TBC1D32: variants seen among roughly 807,000 people sequenced by gnomAD.
TBC1D32 encodes TBC1 domain family member 32, also known as protein broad-minded.
In TBC1D32, 151 loss-of-function variants were observed where a neutral mutation model predicts 170.3. The observed-to-expected ratio is 0.89, with a 90% CI of 0.78 to 1.01. TBC1D32 has a LOEUF of 1.01. TBC1D32 is among the 50% of genes least tolerant of loss of function. TBC1D32 has a pLI of 0.00. For synonymous variants in TBC1D32, 498 were observed against 488.0 expected, an observed-to-expected ratio of 1.02 and a Z score of -0.27; for missense variants, 1,464 against 1,457.1, an observed-to-expected ratio of 1.00 and a Z score of -0.08.
At chr6:121,255,500 AATT>A (rs1798860685) in intron 16 of TBC1D32, 90 bp from the exon 17 acceptor site, 1 of 252,262 alleles carries the variant, frequency 4.0e-6, no homozygotes, top group Non-Finnish European at 6.8e-6. Flanking sequence ...TATATTTTAT[AATT>A]ATATTTATAA....
At chr6:121,140,345 G>C (rs1782636274) in intron 24 of TBC1D32, among the ~76,000 whole-genome samples, 1 of 147,726 alleles carries the variant, frequency 6.8e-6, no homozygotes, top group Admixed American at 6.8e-5. Context: ...AAAAAAAAAA[G>C]ATACTATAGA....
intron 21 of TBC1D32, among the ~76,000 whole-genome samples, chr6:121,222,306 T>G (rs760895538): frequency 3.9e-4 from 60 of 152,318 alleles, no homozygotes; most frequent in Non-Finnish European, 5.9e-4. Context: ...TTCATGTTAT[T>G]GCGGTGGTAT....
intron 22 of TBC1D32, among the ~76,000 whole-genome samples, chr6:121,183,712 A>C (rs1788824208): frequency 6.6e-6 from 1 of 152,096 alleles, no homozygotes; most frequent in Non-Finnish European, 1.5e-5. Flanking sequence ...AAATCTCTAA[A>C]ATATATTACA....
intron 11 of TBC1D32, among the ~76,000 whole-genome samples, chr6:121,292,599 T>C (rs1216239071): frequency 2.0e-5 from 3 of 152,120 alleles, no homozygotes; most frequent in Admixed American, 2.0e-4. Context: ...CACGTCTAAG[T>C]GAAATTAGAA....
intron 21 of TBC1D32, among the ~76,000 whole-genome samples, chr6:121,214,164 AC>A (rs2128316589): frequency 6.6e-6 from 1 of 152,272 alleles, no homozygotes; most frequent in East Asian, 1.9e-4. Flanking sequence ...TAAATGTAAA[AC>A]CCAAAACTAT....
chr6:121,112,982 G>T, intron 28 of TBC1D32, 80 bp downstream of exon 28: 1 of 984,718 alleles, frequency 1.0e-6, no homozygotes, highest in Non-Finnish European at 1.5e-6. Context: ...TACTATAAAT[G>T]TGTCAAGGTA....
At chr6:121,225,243 C>G (rs987275172) in intron 20 of TBC1D32, among the ~76,000 whole-genome samples, 16 of 151,964 alleles carry the variant, frequency 1.1e-4, no homozygotes, top group Non-Finnish European at 1.8e-4. Context: ...TTCATTATAG[C>G]TTTATTTTTA....
intron 17 of TBC1D32, 69 bp from the exon 18 acceptor site, chr6:121,242,408 T>C: frequency 6.8e-7 from 1 of 1,477,458 alleles, no homozygotes; most frequent in Non-Finnish European, 9.3e-7. Context: ...GAGTATGTCT[T>C]AGCTGAGCTT....
intron 15 of TBC1D32, among the ~76,000 whole-genome samples, chr6:121,261,632 G>A (rs1799783729): frequency 6.6e-6 from 1 of 152,168 alleles, no homozygotes; most frequent in African/African-American, 2.4e-5. Context: ...AGGGTCAGCA[G>A]CCTCAAAGAT....
intron 3 of TBC1D32, among the ~76,000 whole-genome samples, chr6:121,317,189 G>A (rs1809050044): frequency 6.6e-6 from 1 of 151,912 alleles, no homozygotes; most frequent in Non-Finnish European, 1.5e-5. Flanking sequence ...TAGATTAACT[G>A]GGAATAAGAT....
chr6:121,174,533 C>T (rs1158020181), intron 22 of TBC1D32, among the ~76,000 whole-genome samples: 1 of 152,068 alleles, frequency 6.6e-6, no homozygotes, highest in African/African-American at 2.4e-5. Context: ...GGGCGAGTGA[C>T]ATGGAAGGAG....
intron 15 of TBC1D32, among the ~76,000 whole-genome samples, chr6:121,258,281 C>A (rs948931494): frequency 1.3e-5 from 2 of 151,964 alleles, no homozygotes; most frequent in Non-Finnish European, 2.9e-5. Context: ...TTTTTTTTAA[C>A]CTTAGAATAT....
chr6:121,198,286 A>G (rs1791089186), intron 22 of TBC1D32, among the ~76,000 whole-genome samples: 1 of 144,152 alleles, frequency 6.9e-6, no homozygotes, highest in African/African-American at 2.6e-5. Flanking sequence ...ATACACACAC[A>G]CACACATATA....
At position 121,162,916 on chromosome 6, in the gene TBC1D32, G is replaced by T. The variant is rs546421693; in HGVS notation, c.2571-1860C>A. The T allele has an allele frequency of 2.9e-4, 33 of 115,460 alleles. No individual in the cohort carries two copies. The East Asian group carries it at 6.4e-3, about 23-fold the overall frequency. 7.2% of individuals were successfully genotyped at this position (115,460 alleles called of 1,614,324 possible). On this transcript the variant is annotated intron_variant, in intron 22 of 31. Coordinates refer to ENST00000398212, the MANE Select transcript of TBC1D32 (RefSeq NM_152730.6). Reference sequence around the variant, plus strand: ...CGAGGCATTGCCTCACCTGGGAAGCGCAAGGGGTCAGGGAGTTCCCTTTCC... The same window carrying T: ...CGAGGCATTGCCTCACCTGGGAAGCTCAAGGGGTCAGGGAGTTCCCTTTCC...
In TBC1D32 at chr6:121,080,749, T is replaced by C; in HGVS notation, c.*22A>G. 6.3e-7 allele frequency: 1 copy of C among 1,596,134 alleles called. No homozygotes were observed. The highest frequency in any genetic ancestry group is 1.1e-5 in the South Asian group (1 of 87,474). ...TGTTTAAAAATAAATAAAACCTAAATTTAAACCGTGTGTCTCATGATCTAT... is the reference window on the plus strand; with the variant it reads ...TGTTTAAAAATAAATAAAACCTAAACTTAAACCGTGTGTCTCATGATCTAT... On this transcript the variant is annotated 3_prime_UTR_variant, in exon 32 of 32. Transcript: ENST00000398212.
intron 20 of TBC1D32, among the ~76,000 whole-genome samples, chr6:121,234,955 G>A (rs562830099): frequency 6.6e-6 from 1 of 152,156 alleles, no homozygotes; most frequent in Non-Finnish European, 1.5e-5. Flanking sequence ...CCTGAGAGCT[G>A]AACTATAGTA....
chr6:121,187,174 C>T (rs77553645), intron 22 of TBC1D32, among the ~76,000 whole-genome samples: 9,813 of 152,040 alleles, frequency 0.065, 618 homozygotes, highest in Admixed American at 0.21. Flanking sequence ...CCATTTTTAG[C>T]ACAGTATCCC....
chr6:121,236,275 A>ACTAG (rs1274392523), intron 20 of TBC1D32, among the ~76,000 whole-genome samples: 3 of 152,086 alleles, frequency 2.0e-5, no homozygotes, highest in Non-Finnish European at 4.4e-5. Context: ...TATGGTAACC[A>ACTAG]CTAGCTACAT....
At chr6:121,122,948 CTT>C (rs1482101542) in intron 26 of TBC1D32, among the ~76,000 whole-genome samples, 1 of 151,994 alleles carries the variant, frequency 6.6e-6, no homozygotes, top group Admixed American at 6.6e-5. Flanking sequence ...TAAGCTGAGA[CTT>C]TATGCTATGG....
Sources: gnomAD v4.1 joint callset for allele counts (sites outside exome capture counted in the v4.1 genomes callset) on GRCh38, gnomAD v4.1.1 for gene constraint, MANE v1.5 for transcripts, NCBI Gene and HGNC (gene_info 2026-07-23, HGNC 2026-07-21) for gene names.